The following RAB6B variants were observed in gnomAD, a reference collection of about 807,000 sequenced individuals.
RAB6B encodes the protein ras-related protein Rab-6B.
A neutral mutation model predicts 31.2 loss-of-function variants in RAB6B; 7 were observed. The observed-to-expected ratio is 0.22, with a 90% confidence interval of 0.13 to 0.42. The LOEUF (loss-of-function observed/expected upper bound fraction) is 0.42, where lower values mean the gene tolerates loss of function less well. Ranked by LOEUF, RAB6B falls within the 10% of genes least tolerant of loss-of-function variation. The pLI is 1.00. For missense variants in RAB6B, 149 were observed against 280.6 expected (o/e 0.53, Z 3.35); for synonymous variants, 105 against 104.9 (o/e 1.00, Z -0.01).
intron 1 of RAB6B, among the ~76,000 whole-genome samples, chr3:133,880,038 T>C (rs1232664464): frequency 6.6e-6 from 1 of 152,206 alleles, no homozygotes; most frequent in Admixed American, 6.5e-5. Context: ...CCTGTGCATT[T>C]GAGCAGTTGC....
intron 2 of RAB6B, among the ~76,000 whole-genome samples, chr3:133,863,357 G>C (rs919407898): frequency 6.6e-6 from 1 of 152,232 alleles, no homozygotes; most frequent in African/African-American, 2.4e-5. Flanking sequence ...AATTGGTCCA[G>C]AGGGAGACAG....
At chr3:133,863,506 G>A (rs1157432235) in intron 2 of RAB6B, among the ~76,000 whole-genome samples, 6 of 152,158 alleles carry the variant, frequency 3.9e-5, no homozygotes, top group Admixed American at 6.5e-5. Context: ...TTGAGAACTC[G>A]ATAACCAAGG....
At chr3:133,852,576 T>C (rs1025775922) in intron 2 of RAB6B, among the ~76,000 whole-genome samples, 3 of 151,504 alleles carry the variant, frequency 2.0e-5, no homozygotes, top group East Asian at 1.9e-4. Context: ...GCACAAGCAA[T>C]TCTCCTGCCT....
rs72976328 is a variant in RAB6B, at chr3:133,827,472, C to T, written c.*1316G>A. The T allele has an allele frequency of 9.3e-3, 1,619 of 174,346 alleles. 22 individuals carry two copies. The highest frequency in any genetic ancestry group is 0.034 in the African/African-American group (1,442 of 42,128). The allele number at this position is 174,346 out of a possible 1,614,324, so 10.8% of individuals were successfully genotyped here. A position where few individuals can be genotyped will look rare whatever the true frequency, so the allele number is the denominator to read the frequency against. ...TCTCTTCAGAGACTTTGCAGATTCT[C>T]AGGACTAAGCCATTCTCAGGAATGA... On this transcript the variant is annotated 3_prime_UTR_variant, in exon 8 of 8. Transcript: ENST00000285208.
At chr3:133,888,462 C>T (rs1936585304) in intron 1 of RAB6B, among the ~76,000 whole-genome samples, 1 of 152,166 alleles carries the variant, frequency 6.6e-6, no homozygotes, top group Non-Finnish European at 1.5e-5. Flanking sequence ...CTATTCTGCC[C>T]TCAGGGGTGA....
rs913290341 is a variant in RAB6B, at chr3:133,895,777, G to C, written c.-311C>G. The C allele has an allele frequency of 8.3e-6, 3 of 362,288 alleles. No homozygotes were observed. Among genetic ancestry groups the C allele is most frequent in the African/African-American group, 6.4e-5 (3 of 46,732 alleles). 22.4% of individuals were successfully genotyped at this position (362,288 alleles called of 1,614,324 possible). ...GGCGCGGCGCTGGGAGAGAGGCGCGGGCGGAGCGGGGCGCAGGGACGGCGC... is the reference window on the plus strand; with the variant it reads ...GGCGCGGCGCTGGGAGAGAGGCGCGCGCGGAGCGGGGCGCAGGGACGGCGC... On this transcript the variant is annotated 5_prime_UTR_variant, in exon 1 of 8. Transcript: ENST00000285208.
chr3:133,838,702 T>C (rs1935778301), intron 5 of RAB6B, among the ~76,000 whole-genome samples: 1 of 152,166 alleles, frequency 6.6e-6, no homozygotes, highest in South Asian at 2.1e-4. Context: ...GAGGGCTCCA[T>C]GATGGGGCAG....
intron 1 of RAB6B, among the ~76,000 whole-genome samples, chr3:133,884,260 A>G (rs991145439): frequency 6.6e-6 from 1 of 152,244 alleles, no homozygotes; most frequent in Non-Finnish European, 1.5e-5. Flanking sequence ...TCAGGCCTTT[A>G]GAGGGTGGGG....
In RAB6B at chr3:133,828,861, G is replaced by A; in HGVS notation, c.563-9C>T. 8 of 1,608,608 alleles carry A rather than the reference G, an allele frequency of 5.0e-6. No individual in the cohort carries two copies. The highest frequency in any genetic ancestry group is 1.1e-5 in the South Asian group (1 of 90,598). ...CAGCTTGATGTCGATCACTGCAGGG[G>A]GACGGGCTAAGGAAGATGACTCTCC... On this transcript the variant is annotated splice_polypyrimidine_tract_variant and intron_variant, in intron 7 of 7. Transcript: ENST00000285208.
intron 1 of RAB6B, among the ~76,000 whole-genome samples, chr3:133,893,292 A>G (rs1054026388): frequency 1.3e-5 from 2 of 152,236 alleles, no homozygotes; most frequent in African/African-American, 2.4e-5. Flanking sequence ...ACTGGAAATG[A>G]GAGGTGGGGC....
intron 1 of RAB6B, among the ~76,000 whole-genome samples, chr3:133,874,957 C>T (rs990224316): frequency 2.0e-5 from 3 of 152,170 alleles, no homozygotes; most frequent in African/African-American, 7.2e-5. Context: ...ACACACACGG[C>T]GCTGTCATTT....
chr3:133,877,042 G>A (rs79367511), intron 1 of RAB6B, among the ~76,000 whole-genome samples: 1 of 152,180 alleles, frequency 6.6e-6, no homozygotes, highest in Non-Finnish European at 1.5e-5. Flanking sequence ...ATTAGGTAAT[G>A]ATGACCCCTG....
chr3:133,841,064 CCT>C (rs1005622176), intron 4 of RAB6B, among the ~76,000 whole-genome samples: 5 of 152,186 alleles, frequency 3.3e-5, no homozygotes, highest in Admixed American at 6.5e-5. Context: ...CCTATAAACC[CCT>C]GTCGGTTGCA....
chr3:133,892,659 C>G (rs1032513765), intron 1 of RAB6B, among the ~76,000 whole-genome samples: 1 of 152,196 alleles, frequency 6.6e-6, no homozygotes, highest in Non-Finnish European at 1.5e-5. Context: ...CCAGGGCACT[C>G]GGCTCATATC....
chr3:133,845,349 G>A (rs1045470457), intron 2 of RAB6B, among the ~76,000 whole-genome samples: 5 of 152,190 alleles, frequency 3.3e-5, no homozygotes, highest in Admixed American at 6.5e-5. Flanking sequence ...GCTTAAGGGA[G>A]CACCCTGGCT....
intron 2 of RAB6B, among the ~76,000 whole-genome samples, 155 bp downstream of exon 2, chr3:133,864,429 C>T (rs1406763874): frequency 6.6e-6 from 1 of 152,088 alleles, no homozygotes. Flanking sequence ...AAGCTCTTTA[C>T]AGGGATGGGG....
chr3:133,895,708 G>T lies in RAB6B; in HGVS notation c.-242C>A, dbSNP rs1215291394. 1 of 536,904 alleles carries T rather than the reference G, an allele frequency of 1.9e-6. No homozygotes were observed. 33.3% of individuals were successfully genotyped at this position (536,904 alleles called of 1,614,324 possible). ...GGAAGGCTGGGGCTGGGCTGCTGCGGTCGGCACTGGCTGCGGTGCGAGGGG... is the reference window on the plus strand; with the variant it reads ...GGAAGGCTGGGGCTGGGCTGCTGCGTTCGGCACTGGCTGCGGTGCGAGGGG... On this transcript the variant is annotated 5_prime_UTR_variant, in exon 1 of 8. Transcript: ENST00000285208.
intron 2 of RAB6B, among the ~76,000 whole-genome samples, chr3:133,864,166 G>T (rs1443233388): frequency 6.6e-6 from 1 of 150,510 alleles, no homozygotes; most frequent in African/African-American, 2.5e-5. Context: ...GCGTGTGTGG[G>T]GGGGGGCGGG....
intron 2 of RAB6B, among the ~76,000 whole-genome samples, chr3:133,862,309 G>T (rs2108002490): frequency 6.6e-6 from 1 of 152,232 alleles, no homozygotes; most frequent in South Asian, 2.1e-4. Context: ...TACCAACTAT[G>T]GTCAGGCCCT....
Sources: gnomAD v4.1 joint callset for allele counts (sites outside exome capture counted in the v4.1 genomes callset) on GRCh38, gnomAD v4.1.1 for gene constraint, MANE v1.5 for transcripts, NCBI Gene and HGNC (gene_info 2026-07-23, HGNC 2026-07-21) for gene names.